The following FHL1 variants were observed in gnomAD, a reference collection of about 807,000 sequenced individuals.
FHL1 encodes four and a half LIM domains 1, also known as four and a half LIM domains protein 1.
In FHL1, 1 loss-of-function variant was observed where a neutral mutation model predicts 20.3. The observed-to-expected ratio is 0.05, with a 90% CI of 0.02 to 0.23. The LOEUF is 0.23. Among genes scored for constraint, FHL1 ranks in the 10% least tolerant of loss-of-function variants. FHL1 has a pLI of 1.00. For missense variants in FHL1, 177 were observed against 234.0 expected, an observed-to-expected ratio of 0.76 and a Z score of 1.59; for synonymous variants, 82 against 88.9, an observed-to-expected ratio of 0.92 and a Z score of 0.44.
At chrX:136,173,699 T>TC (rs1206977174) in intron 2 of FHL1, among the ~76,000 whole-genome samples, 1 of 106,006 alleles carries the variant, frequency 9.4e-6, no homozygotes, top group African/African-American at 3.4e-5. Flanking sequence ...TTCTTTTCTT[T>TC]TTTTTTTTTT....
At chrX:136,196,916 G>A, upstream of FHL1, 2 of 1,113,840 alleles carry the variant, frequency 1.8e-6, no homozygotes, top group South Asian at 3.9e-5. Context: ...TTCTCCCTTG[G>A]ATCACCTAAA....
rs139402062 is a variant in FHL1, at chrX:136,207,821, G to A, written c.409G>A (p.Val137Ile). The A allele has an allele frequency of 4.0e-5, 49 of 1,210,380 alleles. No homozygotes were observed. Among genetic ancestry groups the A allele is most frequent in the African/African-American group, 2.6e-4 (15 of 57,332 alleles). Reference sequence around the variant, plus strand: ...TCAAAACGTGGAGTACAAGGGGACCGTCTGGCACAAAGACTGCTTCACCTG... The same window carrying A: ...TCAAAACGTGGAGTACAAGGGGACCATCTGGCACAAAGACTGCTTCACCTG... ...GDQNVEYKGT[V>I]WHKDCFTCSN... The change falls in exon 4 of 6, where the codon GTC (valine) becomes ATC (isoleucine). Residue 137 changes from valine to isoleucine, a missense_variant. Coordinates refer to ENST00000370683, the MANE Select transcript of FHL1 (RefSeq NM_001159699.2).
At chrX:136,164,572 C>G (rs1297664774) in intron 1 of FHL1, among the ~76,000 whole-genome samples, 1 of 111,156 alleles carries the variant, frequency 9.0e-6, no homozygotes, top group East Asian at 2.8e-4. Flanking sequence ...ATGTTTTTCC[C>G]CAATATACTT....
intron 5 of FHL1, 93 bp from the exon 6 acceptor site, chrX:136,209,778 C>T (rs1455444263): frequency 1.2e-5 from 12 of 1,028,456 alleles, no homozygotes; most frequent in Non-Finnish European, 1.1e-5. Flanking sequence ...TGGGGCAGGT[C>T]GTCATTTTAT....
At chrX:136,186,344 T>C (rs1303810132) in intron 2 of FHL1, among the ~76,000 whole-genome samples, 1 of 111,363 alleles carries the variant, frequency 9.0e-6, no homozygotes, top group Non-Finnish European at 1.9e-5. Flanking sequence ...TGGCATCCTC[T>C]CTGCATGAAC....
chrX:136,203,898 T>C (rs1352424363), intron 1 of FHL1, among the ~76,000 whole-genome samples: 2 of 112,486 alleles, frequency 1.8e-5, no homozygotes, highest in African/African-American at 6.5e-5. Flanking sequence ...ACTAAGAGGT[T>C]TGACTCACCT....
chrX:136,208,495 G>A lies in FHL1; in HGVS notation c.590G>A (p.Trp197Ter), dbSNP rs1191211949. 8.3e-7 allele frequency: 1 copy of A among 1,210,003 alleles called. No homozygotes were observed. The highest frequency in any genetic ancestry group is 1.1e-6 in the Non-Finnish European group (1 of 895,176). The change falls in exon 5 of 6, where the codon TGG becomes TAG. Residue 197 changes from tryptophan (W) to a stop codon, truncating the protein, a stop_gained. Coordinates refer to ENST00000370683, the MANE Select transcript of FHL1 (RefSeq NM_001159699.2). LOFTEE classifies it high-confidence loss of function. ...SGGITYQDQP[W>*]HADCFVCVTC... ...GGAATCACTTACCAGGATCAGCCCTGGCATGCCGATTGCTTTGTGTGTGTT... is the reference window on the plus strand; with the variant it reads ...GGAATCACTTACCAGGATCAGCCCTAGCATGCCGATTGCTTTGTGTGTGTT...
intron 1 of FHL1, among the ~76,000 whole-genome samples, chrX:136,155,030 T>C (rs2148267615): frequency 8.9e-6 from 1 of 112,387 alleles, no homozygotes; most frequent in Non-Finnish European, 1.9e-5. Flanking sequence ...CTTAAAAAAA[T>C]CAGTTATTTA....
At chrX:136,206,703 T>C in intron 2 of FHL1, 115 bp downstream of exon 2, 1 of 994,327 alleles carries the variant, frequency 1.0e-6, no homozygotes, top group Admixed American at 2.2e-5. Context: ...TGCAGCCACC[T>C]TGAGGCCTCA....
intron 2 of FHL1, among the ~76,000 whole-genome samples, chrX:136,189,808 C>T (rs997238466): frequency 1.8e-5 from 2 of 111,817 alleles, no homozygotes; most frequent in African/African-American, 6.5e-5. Context: ...CTCTTAGCCA[C>T]TGCACTATAT....
In FHL1 at chrX:136,147,750, C is replaced by T. The variant is rs1445854166; in HGVS notation, c.-101+122C>T. The T allele has an allele frequency of 2.7e-5, 3 of 109,271 alleles. No individual in the cohort carries two copies. The South Asian group carries it at 1.2e-3, about 43-fold the overall frequency. The allele number at this position is 109,271 out of a possible 1,213,427, so 9.0% of individuals were successfully genotyped here. A position where few individuals can be genotyped will look rare whatever the true frequency, so the allele number is the denominator to read the frequency against. On this transcript the variant is annotated intron_variant, in intron 1 of 7. Coordinates refer to the FHL1 transcript ENST00000394155. ...CGCCGCCGCTCGGGGCTGGTCCCTGCGGTCCCGGCTGCCTGGCCTTCCAGG... is the reference window on the plus strand; with the variant it reads ...CGCCGCCGCTCGGGGCTGGTCCCTGTGGTCCCGGCTGCCTGGCCTTCCAGG...
intron 2 of FHL1, among the ~76,000 whole-genome samples, chrX:136,187,601 G>A (rs1298182542): frequency 9.1e-6 from 1 of 110,090 alleles, no homozygotes; most frequent in Admixed American, 9.8e-5. Context: ...TATGCTAAGT[G>A]AAAGAAATCA....
intron 2 of FHL1, among the ~76,000 whole-genome samples, chrX:136,183,564 A>G (rs1327378205): frequency 8.9e-6 from 1 of 112,266 alleles, no homozygotes; most frequent in East Asian, 2.8e-4. Context: ...TTTAGATGTT[A>G]ACATTAAGCT....
upstream of FHL1, among the ~76,000 whole-genome samples, chrX:136,195,105 G>A (rs912280567): frequency 6.2e-5 from 7 of 112,153 alleles, no homozygotes; most frequent in Non-Finnish European, 1.3e-4. Context: ...AAACAGATTT[G>A]TTTTTTGATA....
At chrX:136,211,357 T>C (rs557866339), downstream of FHL1, 1 of 281,280 alleles carries the variant, frequency 3.6e-6, no homozygotes, top group South Asian at 3.7e-5. Flanking sequence ...ATGAATAACC[T>C]GCCTCCTGTC....
At chrX:136,146,720 T>C (rs1337683743), upstream of FHL1, 1 of 322,400 alleles carries the variant, frequency 3.1e-6, no homozygotes, top group Non-Finnish European at 6.0e-6. Flanking sequence ...AACGCTGTTA[T>C]CACCAGAGCC....
upstream of FHL1, among the ~76,000 whole-genome samples, chrX:136,193,235 G>GA (rs936533332): frequency 8.9e-6 from 1 of 111,900 alleles, no homozygotes; most frequent in African/African-American, 3.3e-5. Flanking sequence ...TTCAGGAAAA[G>GA]AAAAATCTAG....
At chrX:136,149,850 C>G (rs2072217610) in intron 1 of FHL1, among the ~76,000 whole-genome samples, 1 of 111,110 alleles carries the variant, frequency 9.0e-6, no homozygotes, top group Non-Finnish European at 1.9e-5. Context: ...TCACAAAGAC[C>G]GACAAAAATG....
upstream of FHL1, among the ~76,000 whole-genome samples, chrX:136,168,992 A>C (rs1260132307): frequency 9.0e-6 from 1 of 111,394 alleles, no homozygotes; most frequent in African/African-American, 3.3e-5. Context: ...GTAGTGAAAA[A>C]ACAGACTGGG....
Sources: gnomAD v4.1 joint callset for allele counts (sites outside exome capture counted in the v4.1 genomes callset) on GRCh38, gnomAD v4.1.1 for gene constraint, MANE v1.5 for transcripts, NCBI Gene and HGNC (gene_info 2026-07-23, HGNC 2026-07-21) for gene names.